LDLRAD4: variants seen among roughly 807,000 people sequenced by gnomAD.
LDLRAD4 encodes the protein low-density lipoprotein receptor class A domain-containing protein 4.
A neutral mutation model predicts 17.0 loss-of-function variants in LDLRAD4; 5 were observed. That is an observed-to-expected ratio of 0.29 (90% CI 0.15 to 0.62). LDLRAD4 has a LOEUF of 0.62. Ranked by LOEUF, LDLRAD4 falls within the 20% of genes least tolerant of loss-of-function variation. The probability of loss-of-function intolerance (pLI) is 0.84; values close to 1 mark genes in which losing one functional copy is unlikely to be tolerated. For missense variants in LDLRAD4, 340 were observed against 424.7 expected (o/e 0.80, Z 1.75); for synonymous variants, 168 against 171.8 (o/e 0.98, Z 0.17).
chr18:13,305,392 G>A (rs2046852855), intron 1 of LDLRAD4, among the ~76,000 whole-genome samples: 1 of 152,202 alleles, frequency 6.6e-6, no homozygotes, highest in Non-Finnish European at 1.5e-5. Flanking sequence ...ATTGTGGTCA[G>A]CTCAAGTTTT....
chr18:13,538,976 T>C (rs912238269), intron 3 of LDLRAD4, among the ~76,000 whole-genome samples: 3 of 152,218 alleles, frequency 2.0e-5, no homozygotes, highest in African/African-American at 7.2e-5. Context: ...TTAGGGTTAG[T>C]GTTTTTGTAC....
chr18:13,349,726 G>A (rs569216157), intron 1 of LDLRAD4, among the ~76,000 whole-genome samples: 2 of 152,072 alleles, frequency 1.3e-5, no homozygotes, highest in Non-Finnish European at 2.9e-5. Flanking sequence ...TCAACCTGTC[G>A]TCTAGGTTTT....
chr18:13,623,847 C>T (rs1220375795), intron 4 of LDLRAD4, among the ~76,000 whole-genome samples: 1 of 152,192 alleles, frequency 6.6e-6, no homozygotes, highest in Non-Finnish European at 1.5e-5. Context: ...GCCAGGCTTC[C>T]TGCCTCCTAA....
At chr18:13,335,603 T>C (rs1289143233) in intron 1 of LDLRAD4, among the ~76,000 whole-genome samples, 2 of 152,222 alleles carry the variant, frequency 1.3e-5, no homozygotes, top group African/African-American at 4.8e-5. Context: ...CAATTGCCAG[T>C]TCTTTTGCTT....
intron 1 of LDLRAD4, among the ~76,000 whole-genome samples, chr18:13,311,258 A>G (rs548983497): frequency 6.6e-6 from 1 of 152,378 alleles, no homozygotes; most frequent in African/African-American, 2.4e-5. Context: ...AAAGCCAGAC[A>G]GGGACTGACT....
At chr18:13,222,998 T>C (rs1364868145) in intron 1 of LDLRAD4, among the ~76,000 whole-genome samples, 1 of 152,206 alleles carries the variant, frequency 6.6e-6, no homozygotes, top group Non-Finnish European at 1.5e-5. Context: ...AGGGCCTGGG[T>C]GGCACTCCTT....
rs548763924 is a variant in LDLRAD4 at position 13,252,168 on chromosome 18, A to G, written c.-466-25937A>G. ...AGATGGAGTTTTGCTCTTGTTGCCC[A>G]GGCTGGAGTGCAATGGTGCAATCTC... On this transcript the variant is annotated intron_variant, in intron 1 of 5. Coordinates refer to the LDLRAD4 transcript ENST00000399848. Among the ~76,000 whole-genome samples the G allele has an allele frequency of 2.2e-3, 340 of 152,266 alleles. 1 individual carries two copies. The highest frequency in any genetic ancestry group is 6.8e-3 in the Middle Eastern group (2 of 294).
At chr18:13,424,413 GC>G (rs1366209617) in intron 2 of LDLRAD4, among the ~76,000 whole-genome samples, 11 of 152,176 alleles carry the variant, frequency 7.2e-5, no homozygotes, top group African/African-American at 2.7e-4. Context: ...ACAAAACTCA[GC>G]CCCAAAGTGC....
At position 13,376,543 on chromosome 18, in the gene LDLRAD4, A is replaced by G. The variant is rs572922106; in HGVS notation, c.-382-10798A>G. The stretch of plus-strand genomic sequence containing the variant: ...ACATATAAGACAGACAGATCCTTTC[A>G]GCATCAGGTATACACAGGGGCTTCT... On this transcript the variant is annotated intron_variant, in intron 1 of 5. Transcript: ENST00000359446. Among the ~76,000 whole-genome samples, 14 of 152,258 alleles carry G rather than the reference A, an allele frequency of 9.2e-5. No homozygotes were observed. In the South Asian group the frequency reaches 2.9e-3, roughly 32 times the overall value.
At chr18:13,280,483 A>G (rs1001601854) in intron 1 of LDLRAD4, among the ~76,000 whole-genome samples, 1 of 152,182 alleles carries the variant, frequency 6.6e-6, no homozygotes, top group Non-Finnish European at 1.5e-5. Context: ...GGGGGATTGG[A>G]GGAAAATAGC....
chr18:13,249,254 G>A (rs1425311613), intron 1 of LDLRAD4, among the ~76,000 whole-genome samples: 1 of 152,140 alleles, frequency 6.6e-6, no homozygotes, highest in African/African-American at 2.4e-5. Flanking sequence ...CCTTTCCTTT[G>A]GGTAAATGCC....
At chr18:13,361,129 C>T (rs982544524) in intron 1 of LDLRAD4, among the ~76,000 whole-genome samples, 1 of 152,168 alleles carries the variant, frequency 6.6e-6, no homozygotes, top group African/African-American at 2.4e-5. Flanking sequence ...GGGGTCCCCT[C>T]CCGTTTTGAC....
At chr18:13,347,414 G>T (rs1470204156) in intron 1 of LDLRAD4, among the ~76,000 whole-genome samples, 4 of 152,144 alleles carry the variant, frequency 2.6e-5, no homozygotes, top group Admixed American at 2.6e-4. Flanking sequence ...CTCTCTTCTG[G>T]CTTGTAGAGT....
At chr18:13,580,573 C>T (rs2094842202) in intron 3 of LDLRAD4, among the ~76,000 whole-genome samples, 1 of 152,162 alleles carries the variant, frequency 6.6e-6, no homozygotes, top group Admixed American at 6.5e-5. Flanking sequence ...CAGCCATCTG[C>T]AGGACTCTGC....
intron 1 of LDLRAD4, among the ~76,000 whole-genome samples, chr18:13,267,762 C>T (rs536737730): frequency 1.3e-5 from 2 of 152,234 alleles, no homozygotes; most frequent in South Asian, 4.1e-4. Flanking sequence ...TAAGGATTGT[C>T]CAGCAGCTTT....
chr18:13,266,495 T>A (rs2044227381), intron 1 of LDLRAD4, among the ~76,000 whole-genome samples: 1 of 152,206 alleles, frequency 6.6e-6, no homozygotes, highest in Admixed American at 6.5e-5. Flanking sequence ...GGGGCTCAGG[T>A]GTCCAGAGGC....
intron 1 of LDLRAD4, among the ~76,000 whole-genome samples, chr18:13,290,601 G>A (rs905360869): frequency 1.3e-5 from 2 of 150,658 alleles, no homozygotes; most frequent in African/African-American, 4.9e-5. Context: ...GCATTTTTTG[G>A]CACCTGCTTC....
chr18:13,314,236 T>C (rs145728692), intron 1 of LDLRAD4, among the ~76,000 whole-genome samples: 13 of 152,296 alleles, frequency 8.5e-5, no homozygotes, highest in African/African-American at 3.1e-4. Flanking sequence ...TACAAAGTGG[T>C]AAATCAGAAA....
Position 13,402,935 on chromosome 18 carries a change from A to G in LDLRAD4, c.40+15173A>G, listed in dbSNP as rs1298267839. 2.6e-5 allele frequency among the ~76,000 whole-genome samples: 4 copies of G among 152,360 alleles called. No homozygotes were observed. In the South Asian group the frequency reaches 6.2e-4, roughly 24 times the overall value. On this transcript the variant is annotated intron_variant, in intron 2 of 5. Coordinates refer to ENST00000359446, the Ensembl canonical transcript of LDLRAD4. ...CCTTCACAATCAAAACTTAGAAACA[A>G]CAATATTAAAACATTAAGCCAGTCT...
Sources: gnomAD v4.1 joint callset for allele counts (sites outside exome capture counted in the v4.1 genomes callset) on GRCh38, gnomAD v4.1.1 for gene constraint, MANE v1.5 for transcripts, NCBI Gene and HGNC (gene_info 2026-07-23, HGNC 2026-07-21) for gene names.